ASIC2: variants seen among roughly 807,000 people sequenced by gnomAD.
ASIC2 encodes acid sensing ion channel subunit 2.
A neutral mutation model predicts 57.3 loss-of-function variants in ASIC2; 25 were observed. That is an observed-to-expected ratio of 0.44 (90% CI 0.32 to 0.61). The LOEUF (loss-of-function observed/expected upper bound fraction) is 0.61. Ranked by LOEUF, ASIC2 falls within the 20% of genes least tolerant of loss-of-function variation. The probability of loss-of-function intolerance (pLI) is 0.06; values close to 1 mark genes in which losing one functional copy is unlikely to be tolerated. For missense variants in ASIC2, 641 were observed against 738.1 expected (o/e 0.87, Z 1.52); for synonymous variants, 319 against 307.5 (o/e 1.04, Z -0.39).
At chr17:33,437,128 G>A (rs957983299) in intron 1 of ASIC2, among the ~76,000 whole-genome samples, 103 of 151,906 alleles carry the variant, frequency 6.8e-4, no homozygotes, top group African/African-American at 2.5e-3. Context: ...GCCTCCCAAA[G>A]TGCTGGGATT....
chr17:34,108,715 TAAG>T (rs1000243340), intron 1 of ASIC2, among the ~76,000 whole-genome samples: 5 of 152,156 alleles, frequency 3.3e-5, no homozygotes, highest in African/African-American at 4.8e-5. Context: ...TATCAATGAC[TAAG>T]AAGAGTGTTA....
At chr17:33,245,536 TAA>T (rs894020590) in intron 1 of ASIC2, among the ~76,000 whole-genome samples, 41 of 152,254 alleles carry the variant, frequency 2.7e-4, no homozygotes, top group African/African-American at 4.8e-4. Context: ...AATGCACAAA[TAA>T]ACTAAAATGT....
intron 1 of ASIC2, among the ~76,000 whole-genome samples, chr17:33,590,654 C>T (rs1013659078): frequency 5.9e-5 from 9 of 151,862 alleles, no homozygotes; most frequent in African/African-American, 1.7e-4. Flanking sequence ...TACACAACAC[C>T]TCAATCTCTA....
chr17:34,044,347 A>G (rs942628248), intron 1 of ASIC2, among the ~76,000 whole-genome samples: 1 of 152,198 alleles, frequency 6.6e-6, no homozygotes, highest in South Asian at 2.1e-4. Flanking sequence ...GGCCAATAAC[A>G]TGATTCTAAT....
At chr17:34,042,604 T>G (rs1908182222) in intron 1 of ASIC2, among the ~76,000 whole-genome samples, 1 of 152,040 alleles carries the variant, frequency 6.6e-6, no homozygotes, top group Non-Finnish European at 1.5e-5. Context: ...GAAGAAAACA[T>G]TGATGGGGAC....
chr17:33,204,592 T>G (rs545291832), intron 1 of ASIC2, among the ~76,000 whole-genome samples: 1 of 152,194 alleles, frequency 6.6e-6, no homozygotes, highest in African/African-American at 2.4e-5. Flanking sequence ...ACTCCAAAAG[T>G]GGCAACCATG....
intron 1 of ASIC2, among the ~76,000 whole-genome samples, chr17:33,741,891 A>T (rs1193271855): frequency 1.3e-5 from 2 of 152,224 alleles, no homozygotes; most frequent in South Asian, 2.1e-4. Flanking sequence ...CCTGATGGAC[A>T]GAATTAGGCT....
At chr17:33,142,464 T>C (rs1212498430) in intron 1 of ASIC2, among the ~76,000 whole-genome samples, 2 of 152,194 alleles carry the variant, frequency 1.3e-5, no homozygotes, top group African/African-American at 4.8e-5. Flanking sequence ...TGTATTCTTT[T>C]ATAAAGGATT....
chr17:33,111,841 C>G (rs377073731), intron 2 of ASIC2, 76 bp downstream of exon 2: 1 of 1,532,862 alleles, frequency 6.5e-7, no homozygotes, highest in Non-Finnish European at 8.8e-7. Context: ...TGGGCCAAGA[C>G]AGCTCACCAG....
At chr17:33,933,345 C>A (rs1915986547) in intron 1 of ASIC2, among the ~76,000 whole-genome samples, 1 of 152,200 alleles carries the variant, frequency 6.6e-6, no homozygotes, top group Non-Finnish European at 1.5e-5. Flanking sequence ...TGTTTACTTT[C>A]TGTTTCCTCC....
At chr17:33,515,594 T>A (rs964791041) in intron 1 of ASIC2, among the ~76,000 whole-genome samples, 1 of 152,210 alleles carries the variant, frequency 6.6e-6, no homozygotes, top group Admixed American at 6.5e-5. Flanking sequence ...TCCTCCCTTC[T>A]ATTTATTTTT....
chr17:33,283,478 C>G (rs922085804), intron 1 of ASIC2, among the ~76,000 whole-genome samples: 2 of 152,198 alleles, frequency 1.3e-5, no homozygotes, highest in Non-Finnish European at 2.9e-5. Context: ...CCCTTAAGGA[C>G]TTTGCAACCG....
In ASIC2 at chr17:33,228,196, A is replaced by T. The variant is rs1045918927; in HGVS notation, c.708+63212T>A. ...CAAAACCCAGATAGAACGAGAGCTTAATGGGTATGAAGTCTCCTTTTGGGA... is the reference window on the plus strand; with the variant it reads ...CAAAACCCAGATAGAACGAGAGCTTTATGGGTATGAAGTCTCCTTTTGGGA... On this transcript the variant is annotated intron_variant, in intron 1 of 9. Transcript: ENST00000225823. Among the ~76,000 whole-genome samples, 10 of 152,228 alleles carry T rather than the reference A, an allele frequency of 6.6e-5. No individual in the cohort carries two copies. In the East Asian group the frequency reaches 1.9e-3, roughly 29 times the overall value.
At chr17:33,512,603 A>G (rs868125229) in intron 1 of ASIC2, among the ~76,000 whole-genome samples, 1 of 152,256 alleles carries the variant, frequency 6.6e-6, no homozygotes, top group South Asian at 2.1e-4. Flanking sequence ...TTAAAAAGAG[A>G]CCAGGGAAAA....
At chr17:33,805,919 C>A (rs1597883583) in intron 1 of ASIC2, among the ~76,000 whole-genome samples, 3 of 152,312 alleles carry the variant, frequency 2.0e-5, no homozygotes, top group Middle Eastern at 6.8e-3. Context: ...CCTGCTCCAT[C>A]TTGCACATCC....
intron 1 of ASIC2, among the ~76,000 whole-genome samples, chr17:33,480,959 G>A (rs1477142638): frequency 6.6e-6 from 1 of 152,068 alleles, no homozygotes; most frequent in East Asian, 1.9e-4. Context: ...TCATTAAGAT[G>A]CTCAGTTCTT....
intron 1 of ASIC2, among the ~76,000 whole-genome samples, chr17:33,182,681 G>A (rs995077554): frequency 5.3e-5 from 8 of 152,082 alleles, no homozygotes; most frequent in Admixed American, 3.3e-4. Context: ...AGACAGCAAC[G>A]GAGAAAACAG....
At chr17:33,684,929 A>C (rs1456053125) in intron 1 of ASIC2, among the ~76,000 whole-genome samples, 1 of 152,230 alleles carries the variant, frequency 6.6e-6, no homozygotes, top group African/African-American at 2.4e-5. Flanking sequence ...GAAACCAGAT[A>C]TTATGCGGAA....
chr17:33,130,093 C>T (rs1212982492), intron 1 of ASIC2, among the ~76,000 whole-genome samples: 1 of 152,152 alleles, frequency 6.6e-6, no homozygotes, highest in Non-Finnish European at 1.5e-5. Flanking sequence ...CCCCGTGTCT[C>T]ATCTGTGGGC....
Sources: allele counts gnomAD v4.1 joint callset (sites outside exome capture counted in the v4.1 genomes callset), GRCh38; gene constraint gnomAD v4.1.1; transcripts MANE v1.5; gene names NCBI Gene and HGNC (gene_info 2026-07-23, HGNC 2026-07-21).